GBE1: variants seen among roughly 807,000 people sequenced by gnomAD.
GBE1 encodes 1,4-alpha-glucan branching enzyme 1.
In GBE1, 70 loss-of-function variants were observed where a neutral mutation model predicts 88.8. The observed-to-expected ratio is 0.79, with a 90% CI of 0.65 to 0.96. The LOEUF is 0.96. Among genes scored for constraint, GBE1 ranks in the 40% least tolerant of loss-of-function variants. GBE1 has a pLI of 0.00. For missense variants in GBE1, 872 were observed against 871.0 expected (o/e 1.00, Z -0.01); for synonymous variants, 284 against 300.1 (o/e 0.95, Z 0.56).
intron 1 of GBE1, among the ~76,000 whole-genome samples, chr3:81,757,000 G>C (rs1035671916): frequency 1.2e-4 from 18 of 152,120 alleles, no homozygotes; most frequent in African/African-American, 3.6e-4. Context: ...TTCTGATAAA[G>C]ATTAGAAAAT....
intron 14 of GBE1, among the ~76,000 whole-genome samples, chr3:81,520,461 T>C (rs1438846000): frequency 6.6e-6 from 1 of 151,576 alleles, no homozygotes; most frequent in Non-Finnish European, 1.5e-5. Flanking sequence ...GTATAATCAT[T>C]TGTATTGTTC....
At chr3:81,761,352 G>C in intron 1 of GBE1, 23 bp downstream of exon 1, 1 of 1,599,056 alleles carries the variant, frequency 6.3e-7, no homozygotes. Context: ...GTCTAAGTGG[G>C]GGTGGTGGGA....
chr3:81,588,202 T>C lies in GBE1; in HGVS notation c.1237-2012A>G, dbSNP rs139232413. Among the ~76,000 whole-genome samples, 258 of 152,240 alleles carry C rather than the reference T, an allele frequency of 1.7e-3. 1 individual carries two copies. Among genetic ancestry groups the C allele is most frequent in the African/African-American group, 5.3e-3 (219 of 41,562 alleles). On this transcript the variant is annotated intron_variant, in intron 9 of 15. Coordinates refer to ENST00000429644, the MANE Select transcript of GBE1 (RefSeq NM_000158.4). ...AAATGTTTGCCAGTAATCTTATTTC[T>C]GCATAGTTCTTCATGGTTTATAAAG...
intron 2 of GBE1, among the ~76,000 whole-genome samples, chr3:81,672,384 T>C (rs1292492635): frequency 6.6e-6 from 1 of 152,002 alleles, no homozygotes; most frequent in Non-Finnish European, 1.5e-5. Context: ...AGCCACAATA[T>C]GGGTAAAACC....
intron 5 of GBE1, 24 bp downstream of exon 5, chr3:81,648,832 A>G (rs776327754): frequency 1.4e-6 from 2 of 1,397,740 alleles, no homozygotes; most frequent in Admixed American, 2.6e-5. Flanking sequence ...TTTTATCTGA[A>G]TAAAAATCAC....
intron 1 of GBE1, among the ~76,000 whole-genome samples, chr3:81,743,333 A>G (rs1241322270): frequency 6.6e-6 from 1 of 152,174 alleles, no homozygotes; most frequent in African/African-American, 2.4e-5. Context: ...AATATAAATA[A>G]AAAGTATGAA....
intron 5 of GBE1, among the ~76,000 whole-genome samples, chr3:81,646,956 C>CT (rs34290906): frequency 0.014 from 1,835 of 132,392 alleles, 27 homozygotes; most frequent in African/African-American, 0.029. Context: ...CATAAGGTAG[C>CT]TTTTTTTTTT....
intron 7 of GBE1, among the ~76,000 whole-genome samples, chr3:81,622,147 C>T (rs1704341946): frequency 6.6e-6 from 1 of 152,120 alleles, no homozygotes; most frequent in South Asian, 2.1e-4. Flanking sequence ...ACACTTGCTG[C>T]CTTCACTTTC....
intron 14 of GBE1, among the ~76,000 whole-genome samples, chr3:81,516,705 T>C (rs539405759): frequency 6.6e-6 from 1 of 151,644 alleles, no homozygotes; most frequent in East Asian, 1.9e-4. Flanking sequence ...CATTTGTGAT[T>C]CATGGGAGGA....
chr3:81,578,898 TTTG>T (rs891734522), intron 11 of GBE1, among the ~76,000 whole-genome samples: 7 of 152,074 alleles, frequency 4.6e-5, no homozygotes, highest in African/African-American at 1.4e-4. Flanking sequence ...AGAAAAGAAA[TTTG>T]TTTACAATCT....
intron 12 of GBE1, among the ~76,000 whole-genome samples, chr3:81,561,983 T>C (rs1374063666): frequency 2.0e-5 from 3 of 152,090 alleles, no homozygotes; most frequent in Non-Finnish European, 4.4e-5. Context: ...AATATTGGTT[T>C]CGTGATCTTT....
chr3:81,736,233 G>A (rs1448255983), intron 1 of GBE1, among the ~76,000 whole-genome samples: 3 of 152,138 alleles, frequency 2.0e-5, no homozygotes, highest in Non-Finnish European at 4.4e-5. Flanking sequence ...GTACAGGAGA[G>A]GACTGCATAT....
At chr3:81,663,933 T>C (rs1705070501) in intron 3 of GBE1, among the ~76,000 whole-genome samples, 1 of 152,196 alleles carries the variant, frequency 6.6e-6, no homozygotes, top group Admixed American at 6.5e-5. Context: ...ATAATTTCCA[T>C]TTGTACCTTC....
intron 12 of GBE1, among the ~76,000 whole-genome samples, chr3:81,544,899 AT>A (rs919137187): frequency 6.6e-6 from 1 of 151,964 alleles, no homozygotes; most frequent in East Asian, 1.9e-4. Context: ...AGGTTTGTGT[AT>A]TTTTTTTCTG....
intron 14 of GBE1, among the ~76,000 whole-genome samples, chr3:81,533,137 TA>T (rs1199453765): frequency 3.3e-5 from 5 of 152,110 alleles, no homozygotes; most frequent in Admixed American, 3.3e-4. Flanking sequence ...TAGTATTCTG[TA>T]AATGTATTTT....
chr3:81,696,714 T>C (rs1374365010), intron 2 of GBE1, among the ~76,000 whole-genome samples: 1 of 152,174 alleles, frequency 6.6e-6, no homozygotes, highest in Non-Finnish European at 1.5e-5. Flanking sequence ...AGACATTAAC[T>C]GCAAGTGGAA....
chr3:81,499,596 A>G (rs1383478790), intron 14 of GBE1, among the ~76,000 whole-genome samples: 1 of 152,210 alleles, frequency 6.6e-6, no homozygotes, highest in Non-Finnish European at 1.5e-5. Flanking sequence ...GCCATAAAGA[A>G]TAAGTTCAAC....
At chr3:81,712,768 GCA>G (rs1705887383) in intron 1 of GBE1, among the ~76,000 whole-genome samples, 1 of 151,778 alleles carries the variant, frequency 6.6e-6, no homozygotes, top group Admixed American at 6.6e-5. Flanking sequence ...TGCACGTTGT[GCA>G]CATATACCCT....
At position 81,648,885 on chromosome 3, in the gene GBE1, C is replaced by A. The variant is rs758320251; in HGVS notation, c.662G>T (p.Cys221Phe). ...GCCTTTGATTCTTGGTAGTACATTG[C>A]ATGTAAAATGTTTATAAGAAGCTAC... ...GKVASYKHFT[C>F]NVLPRIKGLG... The change falls in exon 5 of 16, where the codon TGC (cysteine) becomes TTC (phenylalanine). Residue 221 changes from cysteine (C) to phenylalanine (F), a missense_variant. Transcript: ENST00000429644. 8 of 1,575,636 alleles carry A rather than the reference C, an allele frequency of 5.1e-6. No homozygotes were observed. The highest frequency in any genetic ancestry group is 6.0e-6 in the Non-Finnish European group (7 of 1,158,346).
Sources: allele counts gnomAD v4.1 joint callset (sites outside exome capture counted in the v4.1 genomes callset), GRCh38; gene constraint gnomAD v4.1.1; transcripts MANE v1.5; gene names NCBI Gene and HGNC (gene_info 2026-07-23, HGNC 2026-07-21).